SLC35F3: variants seen among roughly 807,000 people sequenced by gnomAD.
The protein encoded by SLC35F3 is putative thiamine transporter SLC35F3.
In SLC35F3, 25 loss-of-function variants were observed where a neutral mutation model predicts 49.9. The observed-to-expected ratio is 0.50, with a 90% CI of 0.37 to 0.70. SLC35F3 has a LOEUF of 0.70. Ranked by LOEUF, SLC35F3 falls within the 30% of genes least tolerant of loss-of-function variation. The pLI is 0.00. For synonymous variants in SLC35F3, 275 were observed against 265.4 expected (o/e 1.04, Z -0.35); for missense variants, 525 against 639.8 (o/e 0.82, Z 1.94).
chr1:233,941,530 A>C (rs1662420263), intron 2 of SLC35F3, among the ~76,000 whole-genome samples: 1 of 152,196 alleles, frequency 6.6e-6, no homozygotes, highest in South Asian at 2.1e-4. Flanking sequence ...ACAGTGGCTG[A>C]TACACAGTTT....
intron 2 of SLC35F3, among the ~76,000 whole-genome samples, chr1:234,187,645 TG>T (rs1405158932): frequency 6.6e-6 from 1 of 152,190 alleles, no homozygotes; most frequent in Non-Finnish European, 1.5e-5. Context: ...GTGCCCTCAC[TG>T]GGGAACCTGA....
Position 234,119,859 on chromosome 1 carries a change from G to GCA in SLC35F3, c.284-111548_284-111547dup, listed in dbSNP as rs1665547072. 5.9e-5 allele frequency among the ~76,000 whole-genome samples: 9 copies of GCA among 152,052 alleles called. No homozygotes were observed. In the South Asian group the frequency reaches 1.7e-3, roughly 28 times the overall value. ...AGCAATATGCACTATTTTCTTTTTCGCACACACACACTCAATTTACAGCCT... is the reference window on the plus strand; with the variant it reads ...AGCAATATGCACTATTTTCTTTTTCGCACACACACACACTCAATTTACAGCCT... On this transcript the variant is annotated intron_variant, in intron 2 of 7. Coordinates refer to ENST00000366618, the MANE Select transcript of SLC35F3 (RefSeq NM_173508.4).
chr1:234,190,059 A>C (rs1224304088), intron 2 of SLC35F3, among the ~76,000 whole-genome samples: 2 of 152,328 alleles, frequency 1.3e-5, no homozygotes, highest in African/African-American at 4.8e-5. Context: ...AAGAACTGCT[A>C]AAAGGAGCTC....
chr1:234,306,218 T>C (rs1657170042), intron 3 of SLC35F3, among the ~76,000 whole-genome samples: 2 of 152,198 alleles, frequency 1.3e-5, no homozygotes, highest in Admixed American at 1.3e-4. Flanking sequence ...TGGAGTGCAA[T>C]GGTGCAATCT....
chr1:234,142,806 C>G (rs1441270070), intron 2 of SLC35F3, among the ~76,000 whole-genome samples: 2 of 152,170 alleles, frequency 1.3e-5, no homozygotes, highest in Non-Finnish European at 2.9e-5. Flanking sequence ...TTCAAGGTAT[C>G]TGATCTCACC....
intron 2 of SLC35F3, among the ~76,000 whole-genome samples, chr1:234,056,322 A>AT (rs1664456377): frequency 6.6e-6 from 1 of 152,006 alleles, no homozygotes; most frequent in South Asian, 2.1e-4. Flanking sequence ...ACATCAATTT[A>AT]TTTTTTAATT....
chr1:234,055,595 T>C (rs1664445261), intron 2 of SLC35F3, among the ~76,000 whole-genome samples: 1 of 152,186 alleles, frequency 6.6e-6, no homozygotes, highest in Non-Finnish European at 1.5e-5. Flanking sequence ...CCTCAACCCC[T>C]TGTGCTTCCC....
intron 2 of SLC35F3, among the ~76,000 whole-genome samples, chr1:233,966,059 C>A (rs1220966659): frequency 1.3e-5 from 2 of 152,092 alleles, no homozygotes; most frequent in Non-Finnish European, 2.9e-5. Flanking sequence ...TGGCCAAGAC[C>A]AGCCCTTAGG....
At chr1:233,969,062 G>GT (rs374282711) in intron 2 of SLC35F3, among the ~76,000 whole-genome samples, 7 of 147,428 alleles carry the variant, frequency 4.7e-5, no homozygotes, top group Non-Finnish European at 8.9e-5. Context: ...ACATATTTTG[G>GT]GGGGGGGGAC....
chr1:234,317,621 G>A (rs1288551299), intron 5 of SLC35F3, among the ~76,000 whole-genome samples: 1 of 152,106 alleles, frequency 6.6e-6, no homozygotes, highest in Admixed American at 6.6e-5. Flanking sequence ...TGTGTTCTGG[G>A]TTTGGGAAAA....
At chr1:233,977,887 T>C (rs1663116409) in intron 2 of SLC35F3, among the ~76,000 whole-genome samples, 1 of 152,188 alleles carries the variant, frequency 6.6e-6, no homozygotes, top group Non-Finnish European at 1.5e-5. Flanking sequence ...TGGATGCTTT[T>C]TGTTTGACAT....
intron 3 of SLC35F3, among the ~76,000 whole-genome samples, chr1:234,292,027 C>T (rs963889078): frequency 5.9e-5 from 9 of 152,178 alleles, no homozygotes; most frequent in Admixed American, 2.0e-4. Flanking sequence ...CTGGACTGCA[C>T]GTGTCTGGGT....
intron 2 of SLC35F3, among the ~76,000 whole-genome samples, chr1:234,155,681 A>G (rs754079560): frequency 8.5e-4 from 130 of 152,080 alleles, no homozygotes; most frequent in Non-Finnish European, 1.7e-3. Flanking sequence ...CTAATGACAT[A>G]TAAGAATTAA....
At chr1:234,232,533 AAAAAAAAGAAAAAG>A (rs1219201958) in intron 3 of SLC35F3, among the ~76,000 whole-genome samples, 1 of 151,070 alleles carries the variant, frequency 6.6e-6, no homozygotes, top group Admixed American at 6.6e-5. Context: ...AAAAAAAAAA[AAAAAAAAGAAAAAG>A]AAAAAAAGAA....
chr1:233,955,878 CTTTT>C (rs869035917), intron 2 of SLC35F3, among the ~76,000 whole-genome samples: 1 of 48,104 alleles, frequency 2.1e-5, no homozygotes, highest in Admixed American at 2.7e-4. Context: ...GTGTGGGTAT[CTTTT>C]TTTTTTTTTT....
intron 2 of SLC35F3, among the ~76,000 whole-genome samples, chr1:234,092,461 G>C (rs1572048932): frequency 6.6e-6 from 1 of 152,224 alleles, no homozygotes; most frequent in East Asian, 1.9e-4. Context: ...TAAGAGGACT[G>C]TATTGTTACA....
At chr1:234,249,583 C>T (rs936119096) in intron 3 of SLC35F3, among the ~76,000 whole-genome samples, 3 of 152,260 alleles carry the variant, frequency 2.0e-5, no homozygotes, top group African/African-American at 7.2e-5. Flanking sequence ...GGGCAGGGGT[C>T]CTATGGGAAA....
In SLC35F3 at chr1:233,904,957, G is replaced by C. The variant is rs917921093; in HGVS notation, c.-121G>C. ...CAAAGCGGCCCGGGGCGGCCGGCGCGGCGCAGACCCTCGGTGGGCAGCGCA... is the reference window on the plus strand; with the variant it reads ...CAAAGCGGCCCGGGGCGGCCGGCGCCGCGCAGACCCTCGGTGGGCAGCGCA... On this transcript the variant is annotated 5_prime_UTR_variant, in exon 1 of 8. Coordinates refer to ENST00000366618, the MANE Select transcript of SLC35F3 (RefSeq NM_173508.4). The C allele has an allele frequency of 1.7e-6, 2 of 1,144,326 alleles. No homozygotes were observed. Among genetic ancestry groups the C allele is most frequent in the African/African-American group, 1.7e-5 (1 of 60,584 alleles). 70.9% of individuals were successfully genotyped at this position (1,144,326 alleles called of 1,614,324 possible). A position where few individuals can be genotyped will look rare whatever the true frequency, so the allele number is the denominator to read the frequency against.
Position 233,923,160 on chromosome 1 carries a change from A to C in SLC35F3, c.283+17402A>C, listed in dbSNP as rs1222559026. ...TTTTTTGGTTCCATATGAACTTTAA[A>C]GTAGTTTTTTCCAATTCTGTGAAGA... is the stretch of plus-strand genomic sequence containing the variant. On this transcript the variant is annotated intron_variant, in intron 2 of 7. Transcript: ENST00000366618. Among the ~76,000 whole-genome samples the C allele has an allele frequency of 5.9e-5, 9 of 152,298 alleles. No individual in the cohort carries two copies. In the East Asian group the frequency reaches 1.5e-3, roughly 26 times the overall value.
Sources: gnomAD v4.1 joint callset for allele counts (sites outside exome capture counted in the v4.1 genomes callset) on GRCh38, gnomAD v4.1.1 for gene constraint, MANE v1.5 for transcripts, NCBI Gene and HGNC (gene_info 2026-07-23, HGNC 2026-07-21) for gene names.